Variants in SCN4B observed in about 807,000 individuals in gnomAD.
The protein encoded by SCN4B is sodium voltage-gated channel beta subunit 4, also known as sodium channel regulatory subunit beta-4.
SCN4B carries 20 observed loss-of-function variants against 19.6 expected under a neutral mutation model. The ratio of observed to expected loss-of-function variants is 1.02; its 90% CI spans 0.72 to 1.48. The LOEUF (loss-of-function observed/expected upper bound fraction) is 1.48, where lower values mean the gene tolerates loss of function less well. SCN4B is among the 40% of genes most tolerant of loss of function. The pLI is 0.00. For missense variants in SCN4B, 271 were observed against 287.5 expected, an observed-to-expected ratio of 0.94 and a Z score of 0.42; for synonymous variants, 127 against 122.8, an observed-to-expected ratio of 1.03 and a Z score of -0.22.
Position 118,134,551 on chromosome 11 carries a change from G to T in SCN4B, c.*2476C>A, listed in dbSNP as rs1278650969. The T allele has an allele frequency of 4.4e-6, 2 of 453,854 alleles. No homozygotes were observed. Among genetic ancestry groups the T allele is most frequent in the Admixed American group, 4.7e-5 (2 of 42,542 alleles). The allele number at this position is 453,854 out of a possible 1,614,324, so 28.1% of individuals were successfully genotyped here. A position where few individuals can be genotyped will look rare whatever the true frequency, so the allele number is the denominator to read the frequency against. The stretch of plus-strand genomic sequence containing the variant: ...CCCACGCATGGGGGCAACCAAAAAT[G>T]CCCCCCCTACAATCTCAGTCACCTC... On this transcript the variant is annotated 3_prime_UTR_variant, in exon 5 of 5. Transcript: ENST00000324727.
chr11:118,152,147 A>G (rs1171708117), intron 1 of SCN4B, among the ~76,000 whole-genome samples: 1 of 151,712 alleles, frequency 6.6e-6, no homozygotes, highest in Non-Finnish European at 1.5e-5. Context: ...GAAGAAGGGG[A>G]CTCCCCCACC....
At chr11:118,144,083 G>A (rs1240127330) in intron 2 of SCN4B, 22 bp from the exon 3 acceptor site, 1 of 1,535,272 alleles carries the variant, frequency 6.5e-7, no homozygotes, top group East Asian at 2.2e-5. Flanking sequence ...AGGGAGTTGG[G>A]GTGAGAAAGT....
intron 2 of SCN4B, among the ~76,000 whole-genome samples, chr11:118,144,383 C>G (rs1043510497): frequency 6.6e-6 from 1 of 152,216 alleles, no homozygotes; most frequent in African/African-American, 2.4e-5. Flanking sequence ...ACTCATCTCC[C>G]TCTGTCACCT....
chr11:118,150,338 T>C (rs903675016), intron 1 of SCN4B, among the ~76,000 whole-genome samples: 3 of 152,170 alleles, frequency 2.0e-5, no homozygotes, highest in African/African-American at 7.2e-5. Flanking sequence ...TTGGTCTCAG[T>C]CTGTGAGACT....
chr11:118,152,549 C>A, intron 1 of SCN4B, 64 bp downstream of exon 1: 2 of 1,395,550 alleles, frequency 1.4e-6, no homozygotes, highest in South Asian at 1.2e-5. Flanking sequence ...TCTTCCTTCT[C>A]GAGTGTCCCC....
In SCN4B at chr11:118,136,699, C is replaced by T. The variant is rs1167630754; in HGVS notation, c.*328G>A. On this transcript the variant is annotated 3_prime_UTR_variant, in exon 5 of 5. Coordinates refer to ENST00000324727, the MANE Select transcript of SCN4B (RefSeq NM_174934.4). ...AGAGAAGCCTGGAGGAAAATCAAGG[C>T]CCTGCTTGTGCAGGGTAGGGAGACT... 8.1e-6 allele frequency: 4 copies of T among 495,428 alleles called. No individual in the cohort carries two copies. The highest frequency in any genetic ancestry group is 5.6e-5 in the East Asian group (1 of 17,808). 30.7% of individuals were successfully genotyped at this position (495,428 alleles called of 1,614,324 possible).
intron 3 of SCN4B, chr11:118,141,626 T>G (rs1365648979): frequency 2.5e-5 from 12 of 487,888 alleles, no homozygotes; most frequent in Non-Finnish European, 4.1e-5. Flanking sequence ...TTGGAGCCTA[T>G]AACACTCAAG....
chr11:118,142,649 C>T (rs1948113428), intron 3 of SCN4B: 1 of 152,078 alleles, frequency 6.6e-6, no homozygotes, highest in African/African-American at 2.4e-5. Flanking sequence ...TAACGTCTGC[C>T]CCATACAAGG....
chr11:118,134,855 G>C lies in SCN4B; in HGVS notation c.*2172C>G, dbSNP rs376898310. On this transcript the variant is annotated 3_prime_UTR_variant, in exon 5 of 5. Transcript: ENST00000324727. ...ACTTGCCAAGCCTCACAACAGTCCT[G>C]TGAGGTAGGTAAGTATTATTACACC... 8 of 453,994 alleles carry C rather than the reference G, an allele frequency of 1.8e-5. No homozygotes were observed. Among genetic ancestry groups the C allele is most frequent in the African/African-American group, 1.2e-4 (6 of 50,004 alleles). The allele number at this position is 453,994 out of a possible 1,614,324, so 28.1% of individuals were successfully genotyped here.
chr11:118,145,547 C>T, intron 1 of SCN4B: 7 of 1,173,042 alleles, frequency 6.0e-6, no homozygotes, highest in Non-Finnish European at 7.7e-6. Flanking sequence ...CGGCTCCGCC[C>T]CTCACCTGGG....
At chr11:118,138,330 T>C (rs991675179) in intron 4 of SCN4B, among the ~76,000 whole-genome samples, 1 of 152,232 alleles carries the variant, frequency 6.6e-6, no homozygotes, top group Non-Finnish European at 1.5e-5. Flanking sequence ...CCTATCAAGA[T>C]CTTCCTAGAT....
Position 118,134,810 on chromosome 11 carries a change from A to G in SCN4B, c.*2217T>C. 1 of 454,080 alleles carries G rather than the reference A, an allele frequency of 2.2e-6. No homozygotes were observed. The highest frequency in any genetic ancestry group is 4.4e-6 in the Non-Finnish European group (1 of 226,766). 28.1% of individuals were successfully genotyped at this position (454,080 alleles called of 1,614,324 possible). On this transcript the variant is annotated 3_prime_UTR_variant, in exon 5 of 5. Transcript: ENST00000324727. ...GCTTCCCAGATCCCTTTCCAAGCCA[A>G]AAAGATGTTTTTAGACAAAACTTGC...
At chr11:118,151,380 C>T (rs1948231626) in intron 1 of SCN4B, among the ~76,000 whole-genome samples, 2 of 152,122 alleles carry the variant, frequency 1.3e-5, no homozygotes, top group South Asian at 4.1e-4. Context: ...CATGGAATGG[C>T]GCTGTGCCCA....
intron 1 of SCN4B, among the ~76,000 whole-genome samples, chr11:118,147,875 G>A (rs374792600): frequency 3.3e-5 from 5 of 152,172 alleles, no homozygotes; most frequent in African/African-American, 4.8e-5. Flanking sequence ...ACTCAAATCC[G>A]TGCCCAAATC....
chr11:118,134,657 A>G lies in SCN4B; in HGVS notation c.*2370T>C, dbSNP rs1472446004. On this transcript the variant is annotated 3_prime_UTR_variant, in exon 5 of 5. Coordinates refer to ENST00000324727, the MANE Select transcript of SCN4B (RefSeq NM_174934.4). ...AGGTTTCTAATATTGCAAAGACTAA[A>G]TAATTCCAAGGGGGGTGGGATGGAA... 1 of 454,126 alleles carries G rather than the reference A, an allele frequency of 2.2e-6. No individual in the cohort carries two copies. Among genetic ancestry groups the G allele is most frequent in the East Asian group, 6.9e-5 (1 of 14,392 alleles). 28.1% of individuals were successfully genotyped at this position (454,126 alleles called of 1,614,324 possible).
intron 1 of SCN4B, among the ~76,000 whole-genome samples, chr11:118,152,132 C>A (rs1948238991): frequency 6.6e-6 from 1 of 152,146 alleles, no homozygotes; most frequent in East Asian, 1.9e-4. Flanking sequence ...AGGAAAAGGG[C>A]CCAGGAAGAA....
chr11:118,138,855 C>T (rs927461510), intron 4 of SCN4B, among the ~76,000 whole-genome samples: 2 of 152,146 alleles, frequency 1.3e-5, no homozygotes, highest in African/African-American at 4.8e-5. Flanking sequence ...GGAAACAGCA[C>T]CCACGTTTCA....
chr11:118,140,973 C>T (rs1166194563), intron 4 of SCN4B, among the ~76,000 whole-genome samples: 1 of 151,526 alleles, frequency 6.6e-6, no homozygotes, highest in Non-Finnish European at 1.5e-5. Flanking sequence ...AAGTGGCTGG[C>T]GTTTGTGTAT....
chr11:118,136,813 A>C lies in SCN4B; in HGVS notation c.*214T>G. The C allele has an allele frequency of 1.5e-6, 1 of 670,574 alleles. No individual in the cohort carries two copies. Among genetic ancestry groups the C allele is most frequent in the Non-Finnish European group, 2.7e-6 (1 of 365,554 alleles). The allele number at this position is 670,574 out of a possible 1,614,324, so 41.5% of individuals were successfully genotyped here. On this transcript the variant is annotated 3_prime_UTR_variant, in exon 5 of 5. Coordinates refer to ENST00000324727, the MANE Select transcript of SCN4B (RefSeq NM_174934.4). ...TTTCTTTCTCCTGAATCTTCCACAG[A>C]CCCCCTCCCCTGGCCATCCCTTGTC...
Sources: gnomAD v4.1 joint callset for allele counts (sites outside exome capture counted in the v4.1 genomes callset) on GRCh38, gnomAD v4.1.1 for gene constraint, MANE v1.5 for transcripts, NCBI Gene and HGNC (gene_info 2026-07-23, HGNC 2026-07-21) for gene names.